The following SPPL3 variants were observed in gnomAD, a reference collection of about 807,000 sequenced individuals.
The protein encoded by SPPL3 is signal peptide peptidase like 3.
Under a neutral mutation model 42.4 loss-of-function variants are expected in SPPL3, and 5 were observed. The ratio of observed to expected loss-of-function variants is 0.12; its 90% CI spans 0.06 to 0.25. SPPL3 has a LOEUF of 0.25. Among genes scored for constraint, SPPL3 ranks in the 10% least tolerant of loss-of-function variants. SPPL3 has a pLI of 1.00. For missense variants in SPPL3, 235 were observed against 489.0 expected (o/e 0.48, Z 4.90); for synonymous variants, 195 against 181.8 (o/e 1.07, Z -0.58).
chr12:120,882,682 T>C (rs1296991142), intron 1 of SPPL3, among the ~76,000 whole-genome samples: 1 of 152,124 alleles, frequency 6.6e-6, no homozygotes, highest in Non-Finnish European at 1.5e-5. Context: ...TTAAAAAGCA[T>C]ATAACAAAAC....
At chr12:120,890,135 C>T (rs1873589242) in intron 1 of SPPL3, among the ~76,000 whole-genome samples, 1 of 152,036 alleles carries the variant, frequency 6.6e-6, no homozygotes, top group South Asian at 2.1e-4. Context: ...GTAATCCCAA[C>T]TATTGGGGAA....
rs556774094 is a variant in SPPL3 at position 120,837,968 on chromosome 12, G to A, written c.24-27082C>T. Among the ~76,000 whole-genome samples the A allele has an allele frequency of 2.0e-5, 3 of 152,238 alleles. 1 individual carries two copies. In the East Asian group the frequency reaches 5.8e-4, roughly 29 times the overall value. ...GAGTCACTTGAACCCAGGAGGCGGA[G>A]GTTGCAGTGAGCCAAGATCACACCA... is the stretch of plus-strand genomic sequence containing the variant. On this transcript the variant is annotated intron_variant, in intron 1 of 10. Transcript: ENST00000353487.
At chr12:120,826,164 A>T (rs1871224821) in intron 1 of SPPL3, among the ~76,000 whole-genome samples, 1 of 151,878 alleles carries the variant, frequency 6.6e-6, no homozygotes, top group Non-Finnish European at 1.5e-5. Flanking sequence ...ATGGTGGCAC[A>T]TGTCTGTAAT....
At chr12:120,882,599 T>A (rs1188689309) in intron 1 of SPPL3, among the ~76,000 whole-genome samples, 1 of 152,156 alleles carries the variant, frequency 6.6e-6, no homozygotes, top group Non-Finnish European at 1.5e-5. Context: ...TTGAATACAG[T>A]GGTCTCCTAT....
intron 1 of SPPL3, among the ~76,000 whole-genome samples, chr12:120,836,682 G>C (rs931806887): frequency 6.6e-6 from 1 of 152,192 alleles, no homozygotes; most frequent in Non-Finnish European, 1.5e-5. Context: ...AGAATGGAGG[G>C]TTAGCACCGG....
At chr12:120,899,585 TGTAA>T (rs1483650689) in intron 1 of SPPL3, among the ~76,000 whole-genome samples, 1 of 152,038 alleles carries the variant, frequency 6.6e-6, no homozygotes, top group African/African-American at 2.4e-5. Context: ...CAGACAGAAC[TGTAA>T]GTATTAAAAA....
At chr12:120,782,608 A>G (rs750109217) in intron 6 of SPPL3, 47 bp downstream of exon 6, 2 of 1,394,724 alleles carry the variant, frequency 1.4e-6, no homozygotes, top group South Asian at 2.5e-5. Context: ...AGTATCTATA[A>G]AACTCTATAA....
chr12:120,857,715 G>C (rs1049343488), intron 1 of SPPL3, among the ~76,000 whole-genome samples: 3 of 152,134 alleles, frequency 2.0e-5, no homozygotes, highest in South Asian at 4.1e-4. Context: ...ACTAACACAG[G>C]AACAGAAAAC....
Position 120,903,957 on chromosome 12 carries a change from G to C in SPPL3, c.-90C>G, listed in dbSNP as rs1231701177. 4 of 1,168,870 alleles carry C rather than the reference G, an allele frequency of 3.4e-6. No individual in the cohort carries two copies. The highest frequency in any genetic ancestry group is 3.3e-5 in the East Asian group (1 of 30,336). 72.4% of individuals were successfully genotyped at this position (1,168,870 alleles called of 1,614,324 possible). On this transcript the variant is annotated 5_prime_UTR_variant, in exon 1 of 11. Coordinates refer to ENST00000353487, the MANE Select transcript of SPPL3 (RefSeq NM_139015.5). Reference sequence around the variant, plus strand: ...GGCCGTAGCTGAAGGCGCGGCCGGGGTCCGGTGCTTGCTTGCTTGCTCGCT... The same window carrying C: ...GGCCGTAGCTGAAGGCGCGGCCGGGCTCCGGTGCTTGCTTGCTTGCTCGCT...
intron 1 of SPPL3, among the ~76,000 whole-genome samples, chr12:120,843,198 C>T (rs1371314575): frequency 6.6e-6 from 1 of 152,150 alleles, no homozygotes; most frequent in African/African-American, 2.4e-5. Flanking sequence ...CATAGAGTGA[C>T]ATTTCTATAG....
chr12:120,786,871 G>A (rs1346476770), intron 3 of SPPL3, among the ~76,000 whole-genome samples: 2 of 152,200 alleles, frequency 1.3e-5, no homozygotes, highest in African/African-American at 4.8e-5. Flanking sequence ...AAGCAAAACT[G>A]AGCAAAGCAA....
chr12:120,855,702 A>G (rs571782573), intron 1 of SPPL3, among the ~76,000 whole-genome samples: 62 of 152,148 alleles, frequency 4.1e-4, no homozygotes, highest in African/African-American at 7.5e-4. Context: ...CTCAAAAAAA[A>G]AAAAGAAAAG....
At chr12:120,790,979 C>T (rs1351869823) in intron 3 of SPPL3, among the ~76,000 whole-genome samples, 1 of 152,182 alleles carries the variant, frequency 6.6e-6, no homozygotes, top group African/African-American at 2.4e-5. Flanking sequence ...TGCGCCACCA[C>T]ACCTGGCTGA....
chr12:120,828,940 C>T (rs558175245), intron 1 of SPPL3, among the ~76,000 whole-genome samples: 1 of 151,820 alleles, frequency 6.6e-6, no homozygotes, highest in African/African-American at 2.4e-5. Context: ...ATTTTTATTT[C>T]TTGTAGAGAT....
intron 1 of SPPL3, among the ~76,000 whole-genome samples, chr12:120,834,776 C>T (rs760039188): frequency 3.9e-5 from 6 of 152,058 alleles, no homozygotes; most frequent in Non-Finnish European, 2.9e-5. Context: ...TTTTCATTAA[C>T]AATAAAACAA....
chr12:120,853,575 G>A (rs1956181386), intron 1 of SPPL3, among the ~76,000 whole-genome samples: 1 of 152,142 alleles, frequency 6.6e-6, no homozygotes. Flanking sequence ...CAAAGCACAT[G>A]GAAAGGAAGT....
At chr12:120,783,625 A>T in intron 5 of SPPL3, 49 bp downstream of exon 5, 2 of 1,503,272 alleles carry the variant, frequency 1.3e-6, no homozygotes, top group Non-Finnish European at 1.8e-6. Flanking sequence ...AATATGACAG[A>T]AAAATATATA....
chr12:120,824,034 C>T (rs563568987), intron 1 of SPPL3, among the ~76,000 whole-genome samples: 1 of 152,026 alleles, frequency 6.6e-6, no homozygotes, highest in Admixed American at 6.5e-5. Flanking sequence ...CCAAGCCCAG[C>T]TAATTTTTTC....
intron 1 of SPPL3, among the ~76,000 whole-genome samples, chr12:120,874,247 G>A (rs1593005986): frequency 6.6e-6 from 1 of 152,146 alleles, no homozygotes; most frequent in East Asian, 1.9e-4. Context: ...GAGGCCAGGA[G>A]ATCGAGACCA....
Sources: allele counts gnomAD v4.1 joint callset (sites outside exome capture counted in the v4.1 genomes callset), GRCh38; gene constraint gnomAD v4.1.1; transcripts MANE v1.5; gene names NCBI Gene and HGNC (gene_info 2026-07-23, HGNC 2026-07-21).